ZYG11A: variants seen among roughly 807,000 people sequenced by gnomAD.
ZYG11A encodes the protein protein zyg-11 homolog A.
In ZYG11A, 62 loss-of-function variants were observed where a neutral mutation model predicts 77.2. That is an observed-to-expected ratio of 0.80 (90% CI 0.65 to 0.99). The LOEUF is 0.99. Ranked by LOEUF, ZYG11A falls within the 50% of genes least tolerant of loss-of-function variation. The pLI is 0.00. For synonymous variants in ZYG11A, 315 were observed against 324.6 expected (o/e 0.97, Z 0.32); for missense variants, 828 against 896.8 (o/e 0.92, Z 0.98).
chr1:52,855,019 A>G (rs941150210), intron 2 of ZYG11A, among the ~76,000 whole-genome samples: 3 of 151,502 alleles, frequency 2.0e-5, no homozygotes, highest in African/African-American at 4.9e-5. Flanking sequence ...CGCCCACCAC[A>G]CCTGGCTGAT....
Position 52,859,676 on chromosome 1 carries a change from T to A in ZYG11A, c.1009-1055T>A, listed in dbSNP as rs1557436710. 7.9e-4 allele frequency among the ~76,000 whole-genome samples: 87 copies of A among 110,578 alleles called. 4 individuals are homozygous for A. The highest frequency in any genetic ancestry group is 2.2e-3 in the Admixed American group (25 of 11,590). The allele number at this position is 110,578 out of a possible 152,430, so 72.5% of individuals were successfully genotyped here. A position where few individuals can be genotyped will look rare whatever the true frequency, so the allele number is the denominator to read the frequency against. Reference sequence around the variant, plus strand: ...TCTGTTTGTGTATTGCCTTTTTTTTTTTTTTTTTTTTTTTTTTTTGAGACA... The same window carrying A: ...TCTGTTTGTGTATTGCCTTTTTTTTATTTTTTTTTTTTTTTTTTTGAGACA... On this transcript the variant is annotated intron_variant, in intron 3 of 13. Transcript: ENST00000371528.
chr1:52,865,462 T>C (rs1370018128), intron 5 of ZYG11A, among the ~76,000 whole-genome samples: 2 of 152,198 alleles, frequency 1.3e-5, no homozygotes, highest in Non-Finnish European at 2.9e-5. Context: ...GTCATTCCAC[T>C]CCTAGGTATT....
At chr1:52,863,895 G>T in intron 4 of ZYG11A, 86 bp from the exon 5 acceptor site, 1 of 1,265,266 alleles carries the variant, frequency 7.9e-7, no homozygotes, top group South Asian at 1.6e-5. Flanking sequence ...CCCAATAAAC[G>T]AAGATTTGTG....
At chr1:52,858,181 G>A (rs1454873694) in intron 3 of ZYG11A, among the ~76,000 whole-genome samples, 2 of 149,474 alleles carry the variant, frequency 1.3e-5, no homozygotes, top group Admixed American at 6.6e-5. Context: ...CAGATCACTT[G>A]AGGTCAGGAG....
chr1:52,871,024 A>G (rs1465868984), intron 8 of ZYG11A, among the ~76,000 whole-genome samples: 8 of 152,212 alleles, frequency 5.3e-5, no homozygotes, highest in Non-Finnish European at 8.8e-5. Flanking sequence ...TTATGATGCA[A>G]TAATTTTTTA....
chr1:52,843,109 G>A, intron 1 of ZYG11A, 136 bp downstream of exon 1: 1 of 678,974 alleles, frequency 1.5e-6, no homozygotes, highest in Non-Finnish European at 2.2e-6. Flanking sequence ...TCTAGATGCC[G>A]AGCCCCTTCC....
chr1:52,873,104 G>A (rs1646199928), intron 8 of ZYG11A, among the ~76,000 whole-genome samples: 1 of 151,876 alleles, frequency 6.6e-6, no homozygotes, highest in Non-Finnish European at 1.5e-5. Flanking sequence ...CAGATTACTT[G>A]AGGCCAGGAA....
At chr1:52,867,324 A>G (rs1183081506) in intron 6 of ZYG11A, among the ~76,000 whole-genome samples, 1 of 152,122 alleles carries the variant, frequency 6.6e-6, no homozygotes, top group East Asian at 1.9e-4. Flanking sequence ...TCTTTATGTA[A>G]ATTCTGTGTA....
chr1:52,864,185 C>CT lies in ZYG11A; in HGVS notation c.1326+35dup, dbSNP rs770263231. 1.2e-4 allele frequency: 183 copies of CT among 1,545,702 alleles called. No homozygotes were observed. In the African/African-American group the frequency reaches 2.2e-3, roughly 19 times the overall value. On this transcript the variant is annotated intron_variant, in intron 5 of 13. Transcript: ENST00000371528. ...AATTTCAATTGAATATTTGTTTGTG[C>CT]TTTTTTTGTTGTTGTTAATAGTCTC...
chr1:52,859,057 T>TTTAA (rs377502539), intron 3 of ZYG11A, among the ~76,000 whole-genome samples: 119 of 152,282 alleles, frequency 7.8e-4, no homozygotes, highest in East Asian at 2.5e-3. Flanking sequence ...ATTGTTGTAT[T>TTTAA]TTAATTAATT....
chr1:52,889,313 G>A (rs1184613229), intron 13 of ZYG11A, among the ~76,000 whole-genome samples: 4 of 151,732 alleles, frequency 2.6e-5, no homozygotes, highest in Non-Finnish European at 5.9e-5. Flanking sequence ...TCCCCAAAAA[G>A]AGCAACCCTT....
chr1:52,855,843 A>G (rs1176076746), intron 2 of ZYG11A, among the ~76,000 whole-genome samples: 2 of 152,206 alleles, frequency 1.3e-5, no homozygotes, highest in East Asian at 1.9e-4. Context: ...CTTTTGGGCT[A>G]TTATGAATAA....
chr1:52,878,893 C>T (rs918606057), intron 10 of ZYG11A, among the ~76,000 whole-genome samples: 10 of 141,400 alleles, frequency 7.1e-5, no homozygotes, highest in African/African-American at 1.1e-4. Flanking sequence ...GAACCAAGAT[C>T]GTGCCACTGC....
At position 52,864,021 on chromosome 1, in the gene ZYG11A, G is replaced by A. The variant is rs954058856; in HGVS notation, c.1190G>A (p.Arg397Gln). 8 of 1,551,648 alleles carry A rather than the reference G, an allele frequency of 5.2e-6. No individual in the cohort carries two copies. The South Asian group carries it at 8.3e-5, about 16-fold the overall frequency. The change falls in exon 5 of 14, where the codon CGA becomes CAA. Residue 397 changes from arginine to glutamine, a missense_variant. Arg to Gln is a conservative substitution (Grantham distance 43, BLOSUM62 1). Coordinates refer to ENST00000371528, the MANE Select transcript of ZYG11A (RefSeq NM_001004339.3). ...IGMRNHPLDLRVQFTASACAL... is the reference protein window; with the variant it reads ...IGMRNHPLDLQVQFTASACAL... The stretch of plus-strand genomic sequence containing the variant: ...ATGAGGAATCACCCATTGGATTTGC[G>A]AGTGCAGTTCACAGCCAGTGCTTGC...
intron 4 of ZYG11A, among the ~76,000 whole-genome samples, chr1:52,861,689 C>T (rs978145150): frequency 3.1e-5 from 4 of 128,728 alleles, no homozygotes; most frequent in Admixed American, 7.6e-5. Flanking sequence ...GGTGACAGAG[C>T]GAGACTCAAA....
chr1:52,867,556 T>C lies in ZYG11A; in HGVS notation c.1409T>C (p.Phe470Ser). 6.4e-7 allele frequency: 1 copy of C among 1,552,060 alleles called. No homozygotes were observed. Among genetic ancestry groups the C allele is most frequent in the Non-Finnish European group, 8.7e-7 (1 of 1,146,890 alleles). Residue 470 changes from phenylalanine to serine, a missense_variant, in exon 7 of 14, where the codon TTT becomes TCT. By Grantham distance (155) the Phe-to-Ser change is radical. Transcript: ENST00000371528. ...VPFDRFDAAK[F>S]VMRWLCKHEN... ...CTTTTCAGGTTTGATGCTGCCAAGT[T>C]TGTCATGAGATGGCTCTGTAAGCAT... is the stretch of plus-strand genomic sequence containing the variant.
At position 52,866,431 on chromosome 1, in the gene ZYG11A, A is replaced by C. The variant is rs532188882; in HGVS notation, c.1327-72A>C. 9.0e-5 allele frequency: 80 copies of C among 886,266 alleles called. 1 individual carries two copies. The East Asian group carries it at 2.2e-3, about 24-fold the overall frequency. 54.9% of individuals were successfully genotyped at this position (886,266 alleles called of 1,614,324 possible). A position where few individuals can be genotyped will look rare whatever the true frequency, so the allele number is the denominator to read the frequency against. On this transcript the variant is annotated intron_variant, in intron 5 of 13. Coordinates refer to ENST00000371528, the MANE Select transcript of ZYG11A (RefSeq NM_001004339.3). ...AGAAAAGCTCACTAGTAATACTTCC[A>C]AATACATGGAATCTTTGTTTAGAAT...
intron 13 of ZYG11A, among the ~76,000 whole-genome samples, chr1:52,887,306 C>T (rs548725771): frequency 6.6e-5 from 10 of 152,074 alleles, no homozygotes; most frequent in Non-Finnish European, 1.0e-4. Context: ...AGACAAGCAC[C>T]GTTAATAATT....
At chr1:52,850,364 G>C (rs1645685138) in intron 1 of ZYG11A, among the ~76,000 whole-genome samples, 1 of 151,192 alleles carries the variant, frequency 6.6e-6, no homozygotes, top group African/African-American at 2.4e-5. Context: ...TGTTGCCCAG[G>C]TTGGCGTGCG....
Sources: gnomAD v4.1 joint callset for allele counts (sites outside exome capture counted in the v4.1 genomes callset) on GRCh38, gnomAD v4.1.1 for gene constraint, MANE v1.5 for transcripts, NCBI Gene and HGNC (gene_info 2026-07-23, HGNC 2026-07-21) for gene names.